ACACB: variants seen among roughly 807,000 people sequenced by gnomAD.
ACACB encodes the protein acetyl-CoA carboxylase 2.
A neutral mutation model predicts 278.8 loss-of-function variants in ACACB; 209 were observed. That is an observed-to-expected ratio of 0.75 (90% CI 0.67 to 0.84). The LOEUF (loss-of-function observed/expected upper bound fraction) is 0.84, where lower values mean the gene tolerates loss of function less well. Ranked by LOEUF, ACACB falls within the 40% of genes least tolerant of loss-of-function variation. The probability of loss-of-function intolerance (pLI) is 0.00; values close to 1 mark genes in which losing one functional copy is unlikely to be tolerated. For missense variants in ACACB, 2,850 were observed against 3,269.0 expected, an observed-to-expected ratio of 0.87 and a Z score of 3.13; for synonymous variants, 1,174 against 1,285.6, an observed-to-expected ratio of 0.91 and a Z score of 1.86.
intron 2 of ACACB, among the ~76,000 whole-genome samples, chr12:109,141,177 T>C (rs2043114156): frequency 6.6e-6 from 1 of 151,696 alleles, no homozygotes; most frequent in African/African-American, 2.4e-5. Context: ...ATTACAGGCA[T>C]GAGCCACCAC....
chr12:109,232,619 G>T (rs1251026765), intron 28 of ACACB, 50 bp from the exon 29 acceptor site: 2 of 1,596,394 alleles, frequency 1.3e-6, no homozygotes, highest in East Asian at 4.5e-5. Flanking sequence ...AGCTCGTAGA[G>T]TTGGGTCTGC....
intron 22 of ACACB, among the ~76,000 whole-genome samples, chr12:109,215,154 GT>G (rs2136458408): frequency 6.6e-6 from 1 of 151,928 alleles, no homozygotes; most frequent in East Asian, 1.9e-4. Context: ...TTTGGTAAAT[GT>G]TTTTCCAGTT....
chr12:109,240,187 A>G (rs558457932), intron 35 of ACACB, among the ~76,000 whole-genome samples: 1 of 152,284 alleles, frequency 6.6e-6, no homozygotes, highest in African/African-American at 2.4e-5. Flanking sequence ...CTGCACGGGA[A>G]TGCTTTACTT....
intron 2 of ACACB, among the ~76,000 whole-genome samples, chr12:109,161,647 C>T (rs1189899634): frequency 4.0e-5 from 6 of 151,814 alleles, no homozygotes; most frequent in Non-Finnish European, 8.8e-5. Flanking sequence ...ATGGAATCAA[C>T]CTAAGTGTCC....
intron 27 of ACACB, among the ~76,000 whole-genome samples, chr12:109,224,260 A>G (rs1342126820): frequency 6.6e-6 from 1 of 151,980 alleles, no homozygotes; most frequent in African/African-American, 2.4e-5. Context: ...GAGGCACCTC[A>G]TCTAAACTTT....
At chr12:109,118,585 T>C (rs1200902656) in intron 1 of ACACB, among the ~76,000 whole-genome samples, 1 of 152,086 alleles carries the variant, frequency 6.6e-6, no homozygotes, top group Non-Finnish European at 1.5e-5. Flanking sequence ...AGCTAATTTT[T>C]GTATTTTTAG....
rs149916132 is a variant in ACACB, at chr12:109,139,783, G to C, written c.378G>C (p.Glu126Asp). ...ACGGGACTGGGACACAAGGTCTGGA[G>C]GCCACAGATACCAATGGCCTGTCCT... ...QANGTGTQGL[E>D]ATDTNGLSSS... is the part of the protein sequence containing the mutation. The change falls in exon 2 of 53, where the codon GAG (glutamate) becomes GAC (aspartate). Residue 126 changes from glutamate (E) to aspartate (D), a missense_variant. Glu to Asp is a conservative substitution (Grantham distance 45). Transcript: ENST00000338432. 6.2e-7 allele frequency: 1 copy of C among 1,614,102 alleles called. No homozygotes were observed. Among genetic ancestry groups the C allele is most frequent in the African/African-American group, 1.3e-5 (1 of 74,938 alleles).
intron 13 of ACACB, among the ~76,000 whole-genome samples, chr12:109,190,911 C>T (rs1372838223): frequency 6.6e-6 from 1 of 152,080 alleles, no homozygotes; most frequent in Non-Finnish European, 1.5e-5. Flanking sequence ...CAGGCATGAA[C>T]CACCATGCCT....
At chr12:109,155,568 A>G (rs1050186012) in intron 2 of ACACB, among the ~76,000 whole-genome samples, 13 of 152,124 alleles carry the variant, frequency 8.5e-5, no homozygotes, top group African/African-American at 2.6e-4. Context: ...GTTTGTTAAC[A>G]GTTGTATATT....
intron 1 of ACACB, among the ~76,000 whole-genome samples, chr12:109,133,201 C>T (rs1180818628): frequency 6.6e-6 from 1 of 152,070 alleles, no homozygotes; most frequent in Non-Finnish European, 1.5e-5. Flanking sequence ...TAATTCACAA[C>T]CATTGTAGCA....
chr12:109,127,594 G>A (rs1642034), intron 1 of ACACB, among the ~76,000 whole-genome samples: 35 of 148,856 alleles, frequency 2.4e-4, no homozygotes, highest in Non-Finnish European at 3.7e-4. Context: ...TCCAGAATTC[G>A]CCTAAAAAAA....
intron 21 of ACACB, among the ~76,000 whole-genome samples, chr12:109,209,652 C>G (rs568620154): frequency 1.3e-5 from 2 of 152,006 alleles, no homozygotes; most frequent in South Asian, 4.2e-4. Context: ...AAAAAATAAA[C>G]TGGCTGACAT....
At position 109,242,593 on chromosome 12, in the gene ACACB, G is replaced by T. The variant is rs750135075; in HGVS notation, c.5178+1G>T. The T allele has an allele frequency of 2.5e-6, 4 of 1,613,970 alleles. No individual in the cohort carries two copies. Among genetic ancestry groups the T allele is most frequent in the Non-Finnish European group, 2.5e-6 (3 of 1,179,894 alleles). Reference sequence around the variant, plus strand: ...TGACTTCCCGGAAATGTTCAGGCAGGCAAGTCCGGCGGCTCAGACGCGGTA... The same window carrying T: ...TGACTTCCCGGAAATGTTCAGGCAGTCAAGTCCGGCGGCTCAGACGCGGTA... On this transcript the variant is annotated splice_donor_variant, in intron 37 of 52. Transcript: ENST00000338432. LOFTEE classifies it high-confidence loss of function.
intron 4 of ACACB, 22 bp downstream of exon 4, chr12:109,168,056 C>G: frequency 6.3e-7 from 1 of 1,588,838 alleles, no homozygotes; most frequent in Non-Finnish European, 8.6e-7. Flanking sequence ...TTGACCCTCT[C>G]CTCCCATCAC....
Position 109,227,437 on chromosome 12 carries a change from G to C in ACACB, c.3949G>C (p.Gly1317Arg), listed in dbSNP as rs60293430. Residue 1317 changes from glycine to arginine, a missense_variant, in exon 28 of 53, where the codon GGC becomes CGC. Physicochemically the swap from Gly to Arg is moderately radical, Grantham distance 125 (BLOSUM62 -2). Transcript: ENST00000338432. ...NSLQHRQLPDGTCVVEFQFML... is the reference protein window; with the variant it reads ...NSLQHRQLPDRTCVVEFQFML... Reference sequence around the variant, plus strand: ...CCTGCAGCACCGGCAGCTCCCGGACGGCACCTGCGTGGTAGAATTCCAGTT... The same window carrying C: ...CCTGCAGCACCGGCAGCTCCCGGACCGCACCTGCGTGGTAGAATTCCAGTT... 7 of 1,613,660 alleles carry C rather than the reference G, an allele frequency of 4.3e-6. No homozygotes were observed. The South Asian group carries it at 7.7e-5, about 18-fold the overall frequency.
At chr12:109,178,804 G>C (rs1051934456) in intron 9 of ACACB, among the ~76,000 whole-genome samples, 1 of 152,190 alleles carries the variant, frequency 6.6e-6, no homozygotes, top group Non-Finnish European at 1.5e-5. Context: ...AGGTCATTAC[G>C]TCCTGGGGTT....
intron 9 of ACACB, among the ~76,000 whole-genome samples, chr12:109,177,875 A>G (rs933253055): frequency 1.3e-5 from 2 of 152,154 alleles, no homozygotes; most frequent in African/African-American, 4.8e-5. Flanking sequence ...GAGCAGTTTT[A>G]GGGTCACAGC....
At chr12:109,120,559 A>ATG (rs1473508553) in intron 1 of ACACB, among the ~76,000 whole-genome samples, 1 of 151,870 alleles carries the variant, frequency 6.6e-6, no homozygotes, top group African/African-American at 2.4e-5. Flanking sequence ...GTATGCATGC[A>ATG]TGTGTGTGTG....
At chr12:109,191,212 C>CCTGTGCTTTGCTT (rs148687901) in intron 13 of ACACB, among the ~76,000 whole-genome samples, 1 of 114,960 alleles carries the variant, frequency 8.7e-6, no homozygotes, top group African/African-American at 3.2e-5. Context: ...TCTCTTAACT[C>CCTGTGCTTTGCTT]TTCTTTTTTT....
Sources: gnomAD v4.1 joint callset for allele counts (sites outside exome capture counted in the v4.1 genomes callset) on GRCh38, gnomAD v4.1.1 for gene constraint, MANE v1.5 for transcripts, NCBI Gene and HGNC (gene_info 2026-07-23, HGNC 2026-07-21) for gene names.